The following KALRN variants were observed in gnomAD, a reference collection of about 807,000 sequenced individuals.
KALRN encodes the protein kalirin.
A neutral mutation model predicts 353.7 loss-of-function variants in KALRN; 70 were observed. That is an observed-to-expected ratio of 0.20 (90% confidence interval 0.16 to 0.24). The LOEUF (loss-of-function observed/expected upper bound fraction) is 0.24, where lower values mean the gene tolerates loss of function less well. Among genes scored for constraint, KALRN ranks in the 10% least tolerant of loss-of-function variants. KALRN has a pLI of 1.00. For missense variants in KALRN, 2,791 were observed against 3,756.7 expected (o/e 0.74, Z 6.72); for synonymous variants, 1,391 against 1,434.8 (o/e 0.97, Z 0.69).
At chr3:124,101,840 A>T (rs1209355423) in intron 1 of KALRN, among the ~76,000 whole-genome samples, 1 of 152,034 alleles carries the variant, frequency 6.6e-6, no homozygotes, top group African/African-American at 2.4e-5. Context: ...ATCTGCTTGT[A>T]ACTGGTCCCT....
chr3:124,311,428 G>A (rs1488087826), intron 6 of KALRN, among the ~76,000 whole-genome samples: 1 of 149,972 alleles, frequency 6.7e-6, no homozygotes, highest in Admixed American at 6.7e-5. Context: ...GCACCACTCT[G>A]CACTCCAGCC....
At chr3:124,495,142 T>C (rs1285711473) in intron 32 of KALRN, among the ~76,000 whole-genome samples, 3 of 152,108 alleles carry the variant, frequency 2.0e-5, no homozygotes, top group Non-Finnish European at 4.4e-5. Context: ...GGGGTCTAAA[T>C]GCCAGGAGTG....
At chr3:124,717,096 TCTAA>T (rs1405301540) in intron 58 of KALRN, 147 bp from the exon 59 acceptor site, 4 of 564,276 alleles carry the variant, frequency 7.1e-6, no homozygotes, top group African/African-American at 1.9e-5. Flanking sequence ...AACTTTAGGC[TCTAA>T]CTAAATATGC....
At chr3:124,490,949 A>T (rs1000634009) in intron 30 of KALRN, 65 bp downstream of exon 30, 7 of 1,413,598 alleles carry the variant, frequency 5.0e-6, no homozygotes, top group Non-Finnish European at 6.8e-6. Context: ...GCAGGAAGGG[A>T]TCTGGACACA....
At chr3:124,464,118 A>C (rs1305062382) in intron 25 of KALRN, among the ~76,000 whole-genome samples, 1 of 152,208 alleles carries the variant, frequency 6.6e-6, no homozygotes, top group East Asian at 1.9e-4. Flanking sequence ...CCAGCTCAGT[A>C]TCATCCCATC....
intron 10 of KALRN, among the ~76,000 whole-genome samples, chr3:124,373,586 T>TCTCTCTTAG (rs2086171299): frequency 6.6e-6 from 1 of 152,210 alleles, no homozygotes; most frequent in Non-Finnish European, 1.5e-5. Context: ...GTTCCAGGCC[T>TCTCTCTTAG]CTCTCTTAGC....
At chr3:124,657,422 A>T (rs1322099916) in intron 39 of KALRN, 26 bp from the exon 40 acceptor site, 1 of 1,532,070 alleles carries the variant, frequency 6.5e-7, no homozygotes, top group Admixed American at 1.7e-5. Context: ...AAAATATGCT[A>T]CTAACCATTG....
rs769353974 is a variant in KALRN, at chr3:124,234,873, C to T, written c.193C>T (p.Arg65Cys). ...CGGACCCATCCTGACCTTCCCTGCT[C>T]GCAGCAATCATGACAGAATAAGACA... is the stretch of plus-strand genomic sequence containing the variant. The part of the protein sequence containing the change: ...RGGPILTFPA[R>C]SNHDRIRQED... The change falls in exon 3 of 60, where the codon CGC (arginine) becomes TGC (cysteine). Residue 65 changes from arginine to cysteine, a missense_variant. This residue lies in a region of KALRN where 110 missense variants were observed against 204.1 expected (regional missense o/e 0.54). Coordinates refer to ENST00000682506, the MANE Select transcript of KALRN (RefSeq NM_001388419.1). 31 of 1,609,092 alleles carry T rather than the reference C, an allele frequency of 1.9e-5. No individual in the cohort carries two copies. The highest frequency in any genetic ancestry group is 2.5e-5 in the Non-Finnish European group (29 of 1,177,576).
At chr3:124,478,813 T>G (rs1012363830) in intron 27 of KALRN, among the ~76,000 whole-genome samples, 1 of 152,226 alleles carries the variant, frequency 6.6e-6, no homozygotes, top group African/African-American at 2.4e-5. Context: ...ACATGTCCTG[T>G]GCTCTGAGCA....
chr3:124,663,693 A>T (rs1269487272), intron 45 of KALRN, among the ~76,000 whole-genome samples: 1 of 152,162 alleles, frequency 6.6e-6, no homozygotes, highest in Admixed American at 6.5e-5. Flanking sequence ...TTTTTGGGGC[A>T]AAGGGATTCC....
intron 34 of KALRN, among the ~76,000 whole-genome samples, chr3:124,623,193 C>T (rs1483710910): frequency 6.6e-6 from 1 of 150,398 alleles, no homozygotes; most frequent in Non-Finnish European, 1.5e-5. Context: ...CTATGTTGCC[C>T]AGGCTGGTCT....
At chr3:124,092,734 G>A (rs1235055434) in intron 1 of KALRN, among the ~76,000 whole-genome samples, 1 of 152,182 alleles carries the variant, frequency 6.6e-6, no homozygotes, top group Non-Finnish European at 1.5e-5. Context: ...CCTTAAACAA[G>A]TTATTTAATC....
Position 124,413,482 on chromosome 3 carries a change from C to A in KALRN, c.2359C>A (p.Leu787Ile), listed in dbSNP as rs375061022. ...EQYTIEVTAE[L>I]DAWNEDLLRQ... ...GGTTCCCTCACAGGTGACAGCAGAG[C>A]TAGACGCCTGGAATGAAGACTTGCT... Residue 787 changes from leucine to isoleucine, a missense_variant, in exon 14 of 60, where the codon CTA becomes ATA. Around this residue, in one of 11 missense-constraint regions of KALRN, gnomAD observed 452 missense variants for 575.8 expected, o/e 0.78. Transcript: ENST00000682506. The A allele has an allele frequency of 6.2e-7, 1 of 1,613,828 alleles. No individual in the cohort carries two copies. Among genetic ancestry groups the A allele is most frequent in the African/African-American group, 1.3e-5 (1 of 74,934 alleles).
intron 1 of KALRN, among the ~76,000 whole-genome samples, chr3:124,215,999 G>T (rs750475943): frequency 6.6e-6 from 1 of 152,196 alleles, no homozygotes; most frequent in Non-Finnish European, 1.5e-5. Flanking sequence ...AATGGCGGGG[G>T]TGTCATAAGT....
At chr3:124,524,796 C>T (rs1306222040) in intron 33 of KALRN, among the ~76,000 whole-genome samples, 2 of 152,200 alleles carry the variant, frequency 1.3e-5, no homozygotes, top group Non-Finnish European at 2.9e-5. Context: ...AAATATATTT[C>T]AAACTTATAA....
intron 25 of KALRN, among the ~76,000 whole-genome samples, chr3:124,467,827 G>A (rs140865094): frequency 2.0e-5 from 3 of 152,256 alleles, no homozygotes; most frequent in Non-Finnish European, 4.4e-5. Context: ...AGAGCTAGGT[G>A]GATAGAGGAT....
chr3:124,553,939 T>C (rs1308152084), intron 33 of KALRN, among the ~76,000 whole-genome samples: 1 of 152,260 alleles, frequency 6.6e-6, no homozygotes, highest in Non-Finnish European at 1.5e-5. Context: ...GGAGAATAAA[T>C]ACCAGTTGCT....
intron 1 of KALRN, among the ~76,000 whole-genome samples, chr3:124,207,238 T>C (rs550142092): frequency 2.0e-5 from 3 of 152,306 alleles, no homozygotes; most frequent in African/African-American, 7.2e-5. Context: ...AGGCAGTGAC[T>C]AGCGGCACAT....
intron 45 of KALRN, among the ~76,000 whole-genome samples, chr3:124,663,202 C>T (rs909978389): frequency 3.9e-5 from 6 of 152,230 alleles, no homozygotes; most frequent in African/African-American, 1.4e-4. Flanking sequence ...CCGCCTCGGC[C>T]TCCCAAAGTG....
Sources: gnomAD v4.1 joint callset for allele counts (sites outside exome capture counted in the v4.1 genomes callset) on GRCh38, gnomAD v4.1.1 for gene constraint, gnomAD v4.1.1 regional missense constraint, MANE v1.5 for transcripts, NCBI Gene and HGNC (gene_info 2026-07-23, HGNC 2026-07-21) for gene names.